The following ST8SIA1 variants were observed in gnomAD, a reference collection of about 807,000 sequenced individuals.
ST8SIA1 encodes ST8 alpha-N-acetyl-neuraminide alpha-2,8-sialyltransferase 1.
A neutral mutation model predicts 35.9 loss-of-function variants in ST8SIA1; 16 were observed. The ratio of observed to expected loss-of-function variants is 0.45; its 90% CI spans 0.30 to 0.68. ST8SIA1 has a LOEUF of 0.68. Ranked by LOEUF, ST8SIA1 falls within the 30% of genes least tolerant of loss-of-function variation. ST8SIA1 has a pLI of 0.09. For missense variants in ST8SIA1, 383 were observed against 453.6 expected (o/e 0.84, Z 1.41); for synonymous variants, 170 against 169.6 (o/e 1.00, Z -0.02).
intron 4 of ST8SIA1, among the ~76,000 whole-genome samples, chr12:22,238,375 G>A (rs1865499946): frequency 6.6e-6 from 1 of 152,190 alleles, no homozygotes; most frequent in Non-Finnish European, 1.5e-5. Context: ...CAACTTTCTG[G>A]AGTCAATCAT....
At chr12:22,250,474 C>G (rs7135998) in intron 3 of ST8SIA1, among the ~76,000 whole-genome samples, 2,305 of 152,268 alleles carry the variant, frequency 0.015, 62 homozygotes, top group African/African-American at 0.052. Context: ...TTCCATTATG[C>G]TTTCTTTTAT....
intron 1 of ST8SIA1, chr12:22,325,967 C>T: frequency 1.5e-6 from 1 of 661,058 alleles, no homozygotes; most frequent in East Asian, 2.8e-5. Flanking sequence ...CCAGGCAAGA[C>T]ATAGTGGGAC....
At chr12:22,241,598 A>ATTTTTT (rs71053392) in intron 4 of ST8SIA1, among the ~76,000 whole-genome samples, 1 of 104,380 alleles carries the variant, frequency 9.6e-6, no homozygotes. Context: ...AGACTCCGGT[A>ATTTTTT]TTTTTTTTTT....
intron 4 of ST8SIA1, among the ~76,000 whole-genome samples, chr12:22,229,890 A>G (rs1467520848): frequency 6.6e-6 from 1 of 152,180 alleles, no homozygotes; most frequent in African/African-American, 2.4e-5. Flanking sequence ...ACCAACATTA[A>G]GGTAGCAGAT....
intron 4 of ST8SIA1, among the ~76,000 whole-genome samples, chr12:22,241,613 T>G (rs1018545641): frequency 2.7e-5 from 4 of 149,592 alleles, no homozygotes; most frequent in African/African-American, 9.9e-5. Flanking sequence ...TTTTTTTTTT[T>G]TTTTTTTGAG....
intron 4 of ST8SIA1, among the ~76,000 whole-genome samples, chr12:22,211,458 T>C (rs1011338640): frequency 1.3e-5 from 2 of 152,214 alleles, no homozygotes; most frequent in African/African-American, 4.8e-5. Context: ...ATGCTAACGA[T>C]TGGCTAATCA....
At chr12:22,327,551 G>A (rs183006467) in intron 1 of ST8SIA1, among the ~76,000 whole-genome samples, 1 of 152,250 alleles carries the variant, frequency 6.6e-6, no homozygotes, top group East Asian at 1.9e-4. Flanking sequence ...CCAGAGTCTA[G>A]AAAGATCCCA....
chr12:22,205,042 G>T (rs1023483688), intron 4 of ST8SIA1, among the ~76,000 whole-genome samples: 2 of 152,026 alleles, frequency 1.3e-5, no homozygotes, highest in African/African-American at 4.8e-5. Context: ...ATTCATTTTT[G>T]CTGATCTAGT....
chr12:22,249,737 TGA>T (rs1865648193), intron 3 of ST8SIA1, among the ~76,000 whole-genome samples: 1 of 152,150 alleles, frequency 6.6e-6, no homozygotes, highest in African/African-American at 2.4e-5. Context: ...AAAATATTTT[TGA>T]GAGGGTAGGA....
At chr12:22,242,387 A>G (rs1025827125) in intron 4 of ST8SIA1, among the ~76,000 whole-genome samples, 1 of 152,200 alleles carries the variant, frequency 6.6e-6, no homozygotes, top group African/African-American at 2.4e-5. Flanking sequence ...TTTGACAAAG[A>G]GACTGATTTT....
Position 22,334,286 on chromosome 12 carries a change from G to T in ST8SIA1, c.-54C>A, listed in dbSNP as rs1238540968. 33 of 1,464,432 alleles carry T rather than the reference G, an allele frequency of 2.3e-5. No individual in the cohort carries two copies. Among genetic ancestry groups the T allele is most frequent in the Non-Finnish European group, 2.7e-5 (29 of 1,067,428 alleles). The allele number at this position is 1,464,432 out of a possible 1,614,324, so 90.7% of individuals were successfully genotyped here. A position where few individuals can be genotyped will look rare whatever the true frequency, so the allele number is the denominator to read the frequency against. On this transcript the variant is annotated 5_prime_UTR_variant, in exon 1 of 5. Transcript: ENST00000396037. ...CCGGGGCCTCAGCACAAAGCTAGGC[G>T]AAGTGGCAGCGGAGGGTCCCCCACC...
At chr12:22,248,022 T>C (rs758960431) in intron 4 of ST8SIA1, among the ~76,000 whole-genome samples, 1 of 152,210 alleles carries the variant, frequency 6.6e-6, no homozygotes, top group Non-Finnish European at 1.5e-5. Context: ...GTTTTACATA[T>C]GGGTAACAAG....
At chr12:22,202,602 A>T (rs1280944081) in intron 4 of ST8SIA1, among the ~76,000 whole-genome samples, 1 of 152,240 alleles carries the variant, frequency 6.6e-6, no homozygotes, top group Non-Finnish European at 1.5e-5. Context: ...GCTTGCTCCA[A>T]AGAACTCTAC....
chr12:22,195,009 C>A lies in ST8SIA1; in HGVS notation c.*6543G>T, dbSNP rs1009866380. The A allele has an allele frequency of 6.6e-6, 1 of 151,982 alleles. No individual in the cohort carries two copies. Among genetic ancestry groups the A allele is most frequent in the Non-Finnish European group, 1.5e-5 (1 of 68,296 alleles). The allele number at this position is 151,982 out of a possible 1,614,324, so 9.4% of individuals were successfully genotyped here. A position where few individuals can be genotyped will look rare whatever the true frequency, so the allele number is the denominator to read the frequency against. ...GACCAGCCTGACCAATATGGAGAAA[C>A]CCCATCTCTACTAAAAGTACAAAAT... On this transcript the variant is annotated 3_prime_UTR_variant, in exon 5 of 5. Coordinates refer to ENST00000396037, the MANE Select transcript of ST8SIA1 (RefSeq NM_003034.4).
intron 4 of ST8SIA1, among the ~76,000 whole-genome samples, chr12:22,224,603 T>C (rs1865335502): frequency 6.6e-6 from 1 of 152,230 alleles, no homozygotes; most frequent in Non-Finnish European, 1.5e-5. Flanking sequence ...TGCAATTTTT[T>C]CCCAAATAAT....
intron 4 of ST8SIA1, among the ~76,000 whole-genome samples, chr12:22,206,033 A>G (rs910532018): frequency 1.4e-4 from 21 of 152,218 alleles, no homozygotes; most frequent in African/African-American, 4.6e-4. Context: ...ATTTCAATTA[A>G]AAATGTTAAA....
At chr12:22,222,781 T>C (rs942314823) in intron 4 of ST8SIA1, among the ~76,000 whole-genome samples, 1 of 152,078 alleles carries the variant, frequency 6.6e-6, no homozygotes. Flanking sequence ...TAAATAGTCA[T>C]ATACTTTAAC....
At chr12:22,277,361 G>C (rs991508957) in intron 2 of ST8SIA1, among the ~76,000 whole-genome samples, 4 of 148,292 alleles carry the variant, frequency 2.7e-5, no homozygotes, top group African/African-American at 1.0e-4. Context: ...ATTCATAATA[G>C]TGAACTTTTT....
intron 1 of ST8SIA1, among the ~76,000 whole-genome samples, chr12:22,291,342 C>G (rs1405907962): frequency 1.3e-5 from 2 of 152,152 alleles, no homozygotes; most frequent in Non-Finnish European, 2.9e-5. Flanking sequence ...GGCTGCCACT[C>G]CAATGACTGA....
Sources: gnomAD v4.1 joint callset for allele counts (sites outside exome capture counted in the v4.1 genomes callset) on GRCh38, gnomAD v4.1.1 for gene constraint, MANE v1.5 for transcripts, NCBI Gene and HGNC (gene_info 2026-07-23, HGNC 2026-07-21) for gene names.